Variants in ATM observed in about 807,000 individuals in gnomAD.
ATM encodes the protein serine-protein kinase ATM.
Under a neutral mutation model 387.0 loss-of-function variants are expected in ATM, and 308 were observed. That is an observed-to-expected ratio of 0.80 (90% CI 0.73 to 0.87). The LOEUF (loss-of-function observed/expected upper bound fraction) is 0.87. ATM is among the 40% of genes least tolerant of loss of function. The pLI, the probability that ATM is intolerant of heterozygous loss-of-function variation, is 0.00. For missense variants in ATM, 3,312 were observed against 3,560.9 expected (o/e 0.93, Z 1.78); for synonymous variants, 1,156 against 1,187.3 (o/e 0.97, Z 0.54).
chr11:108,302,791 G>T (rs3092909), intron 35 of ATM, 62 bp from the exon 36 acceptor site: 1 of 1,454,142 alleles, frequency 6.9e-7, no homozygotes, highest in East Asian at 2.3e-5. Context: ...CTCATTTTGT[G>T]TAGGAAAGGT....
intron 56 of ATM, among the ~76,000 whole-genome samples, chr11:108,339,956 G>GA (rs1194795342): frequency 6.6e-6 from 1 of 152,130 alleles, no homozygotes. Context: ...CAATAAATGT[G>GA]AATTTATATA....
intron 43 of ATM, among the ~76,000 whole-genome samples, 153 bp downstream of exon 43, chr11:108,317,674 C>CTA (rs1241876600): frequency 0.012 from 1,495 of 128,818 alleles, 9 homozygotes; most frequent in East Asian, 0.051. Context: ...CACACACACA[C>CTA]TATATATATA....
At chr11:108,317,562 C>T (rs1387833899) in intron 43 of ATM, 41 bp downstream of exon 43, 3 of 1,548,040 alleles carry the variant, frequency 1.9e-6, no homozygotes, top group African/African-American at 1.4e-5. Flanking sequence ...TGCCTCTCTC[C>T]TCATTCTAAA....
intron 45 of ATM, among the ~76,000 whole-genome samples, chr11:108,324,335 C>G (rs1013685266): frequency 6.6e-6 from 1 of 152,042 alleles, no homozygotes. Context: ...TACAGAGAAA[C>G]TACTGTAGTT....
chr11:108,366,692 C>CTGAT lies in ATM; in HGVS notation c.*1185_*1188dup, dbSNP rs1555153057. On this transcript the variant is annotated 3_prime_UTR_variant, in exon 63 of 63. Coordinates refer to ENST00000675843, the MANE Select transcript of ATM (RefSeq NM_000051.4). ...CCATACCTGAAGTGTAGCATAAATA[C>CTGAT]TGATAGGAGATTTCCCAGGCCAAGG... is the stretch of plus-strand genomic sequence containing the variant. 36 of 231,256 alleles carry CTGAT rather than the reference C, an allele frequency of 1.6e-4. No individual in the cohort carries two copies. Among genetic ancestry groups the CTGAT allele is most frequent in the Middle Eastern group, 1.3e-3 (1 of 782 alleles). The allele number at this position is 231,256 out of a possible 1,614,324, so 14.3% of individuals were successfully genotyped here.
intron 31 of ATM, among the ~76,000 whole-genome samples, chr11:108,293,886 A>ATATATATAT (rs1555100904): frequency 1.9e-5 from 2 of 103,496 alleles, no homozygotes; most frequent in Non-Finnish European, 4.1e-5. Context: ...TCAAAAAAAA[A>ATATATATAT]AAAAAAAAAT....
intron 61 of ATM, among the ~76,000 whole-genome samples, chr11:108,359,136 G>A (rs1439208857): frequency 1.3e-5 from 2 of 149,588 alleles, no homozygotes; most frequent in Admixed American, 6.7e-5. Flanking sequence ...AAAAGGCAGG[G>A]GTTGCAATCC....
Position 108,267,787 on chromosome 11 carries a change from G to A in ATM, c.2638+445G>A, listed in dbSNP as rs531849837. 2.6e-5 allele frequency among the ~76,000 whole-genome samples: 4 copies of A among 152,328 alleles called. 1 individual carries two copies. The South Asian group carries it at 8.3e-4, about 32-fold the overall frequency. On this transcript the variant is annotated intron_variant, in intron 17 of 62. Transcript: ENST00000675843. ...CAGGAGAACGGCATGAACCTGGGGA[G>A]GTGGAGGTTGCAGTGAGCCGAGATC...
chr11:108,239,149 A>G (rs569092443), intron 5 of ATM, among the ~76,000 whole-genome samples: 4 of 152,316 alleles, frequency 2.6e-5, no homozygotes, highest in African/African-American at 9.6e-5. Context: ...TCCAGCCTTC[A>G]TGGATGGGAT....
intron 36 of ATM, among the ~76,000 whole-genome samples, chr11:108,303,589 TACA>T (rs1229525488): frequency 7.2e-5 from 11 of 152,244 alleles, no homozygotes; most frequent in African/African-American, 2.6e-4. Flanking sequence ...AATGTGAAAA[TACA>T]ACATCTGATG....
At chr11:108,341,324 G>C (rs1471899524) in intron 56 of ATM, among the ~76,000 whole-genome samples, 1 of 151,906 alleles carries the variant, frequency 6.6e-6, no homozygotes, top group African/African-American at 2.4e-5. Flanking sequence ...AAAGGCCTCC[G>C]ACCATGTTGC....
chr11:108,353,467 A>G (rs2089449845), intron 59 of ATM, among the ~76,000 whole-genome samples: 1 of 152,120 alleles, frequency 6.6e-6, no homozygotes, highest in Admixed American at 6.5e-5. Context: ...TTAAATATAA[A>G]TATATCATCT....
chr11:108,310,651 A>G (rs1315612698), intron 39 of ATM, among the ~76,000 whole-genome samples: 2 of 152,140 alleles, frequency 1.3e-5, no homozygotes, highest in Non-Finnish European at 2.9e-5. Context: ...TCAAATGATT[A>G]AATTATTTCC....
chr11:108,279,444 G>C (rs780864910), intron 22 of ATM, 47 bp from the exon 23 acceptor site: 4 of 1,383,306 alleles, frequency 2.9e-6, no homozygotes, highest in Non-Finnish European at 4.0e-6. Flanking sequence ...TTTGAAATTA[G>C]AAAATTATTT....
intron 48 of ATM, among the ~76,000 whole-genome samples, chr11:108,328,766 TA>T (rs571144656): frequency 7.8e-4 from 118 of 152,118 alleles, no homozygotes; most frequent in African/African-American, 2.5e-3. Context: ...CTAATGAGCT[TA>T]AAAAAAATCA....
rs1591199080 is a variant in ATM, at chr11:108,335,931, G to A, written c.8238G>A (p.Arg2746=). Residue 2746 remains arginine, a synonymous_variant, in exon 56 of 63, where the codon AGG becomes AGA. Coordinates refer to ENST00000675843, the MANE Select transcript of ATM (RefSeq NM_000051.4). ...TACTGCAGAGAAACACGGAAACTAG[G>A]AAGAGGAAATTAACTATCTGTACTT... ...NTLLQRNTET[R]KRKLTICTYK... 3.1e-6 allele frequency: 5 copies of A among 1,613,582 alleles called. No individual in the cohort carries two copies. The highest frequency in any genetic ancestry group is 4.2e-6 in the Non-Finnish European group (5 of 1,179,556).
chr11:108,292,836 A>G (rs372818616), intron 30 of ATM, 43 bp downstream of exon 30: 186 of 1,594,502 alleles, frequency 1.2e-4, no homozygotes, highest in Non-Finnish European at 1.5e-4. Context: ...TAAAATATAT[A>G]AAGTATTGTT....
At chr11:108,241,864 C>T (rs1175354586) in intron 5 of ATM, among the ~76,000 whole-genome samples, 1 of 150,566 alleles carries the variant, frequency 6.6e-6, no homozygotes, top group Non-Finnish European at 1.5e-5. Flanking sequence ...CCTCCCACCC[C>T]CTTCCAAGTA....
intron 61 of ATM, among the ~76,000 whole-genome samples, chr11:108,363,281 A>G (rs953168149): frequency 1.3e-5 from 2 of 152,064 alleles, no homozygotes; most frequent in African/African-American, 4.8e-5. Context: ...CTATTTCTGA[A>G]CTGATCTCCC....
Sources: gnomAD v4.1 joint callset for allele counts (sites outside exome capture counted in the v4.1 genomes callset) on GRCh38, gnomAD v4.1.1 for gene constraint, MANE v1.5 for transcripts, NCBI Gene and HGNC (gene_info 2026-07-23, HGNC 2026-07-21) for gene names.